UBE3C: variants seen among roughly 807,000 people sequenced by gnomAD.
UBE3C encodes the protein ubiquitin-protein ligase E3C.
UBE3C carries 42 observed loss-of-function variants against 129.4 expected under a neutral mutation model. The ratio of observed to expected loss-of-function variants is 0.32; its 90% CI spans 0.25 to 0.42. The LOEUF is 0.42. Ranked by LOEUF, UBE3C falls within the 10% of genes least tolerant of loss-of-function variation. The probability of loss-of-function intolerance (pLI) is 1.00; values close to 1 mark genes in which losing one functional copy is unlikely to be tolerated. For missense variants in UBE3C, 1,049 were observed against 1,319.1 expected, an observed-to-expected ratio of 0.80 and a Z score of 3.17; for synonymous variants, 510 against 492.4, an observed-to-expected ratio of 1.04 and a Z score of -0.47.
rs1006051787 is a variant in UBE3C at position 157,192,709 on chromosome 7, G to A, written c.1331+5688G>A. On this transcript the variant is annotated intron_variant, in intron 10 of 22. Transcript: ENST00000348165. The stretch of plus-strand genomic sequence containing the variant: ...GTGGATGAGAATGACAAAATGAGCT[G>A]CCTTCGTCGAGAGTGCCCTTCTGAT... 8.7e-6 allele frequency: 7 copies of A among 803,558 alleles called. No homozygotes were observed. The African/African-American group carries it at 1.2e-4, about 14-fold the overall frequency. 49.8% of individuals were successfully genotyped at this position (803,558 alleles called of 1,614,324 possible). A position where few individuals can be genotyped will look rare whatever the true frequency, so the allele number is the denominator to read the frequency against.
intron 8 of UBE3C, among the ~76,000 whole-genome samples, 169 bp downstream of exon 8, chr7:157,182,497 C>G (rs1001056445): frequency 4.6e-5 from 7 of 152,002 alleles, no homozygotes; most frequent in African/African-American, 1.7e-4. Flanking sequence ...GGGACAGTTT[C>G]CAGATACAGT....
intron 6 of UBE3C, among the ~76,000 whole-genome samples, chr7:157,180,487 A>C (rs771013104): frequency 6.6e-6 from 1 of 152,166 alleles, no homozygotes; most frequent in Admixed American, 6.5e-5. Context: ...AGTACTGAGT[A>C]TGCATTGTTT....
chr7:157,171,703 T>A (rs1156892487), intron 4 of UBE3C, among the ~76,000 whole-genome samples: 4,028 of 36,788 alleles, frequency 0.11, 249 homozygotes, highest in Non-Finnish European at 0.12. Flanking sequence ...TTTTTTTTTT[T>A]TTTTTTTTTT....
intron 1 of UBE3C, among the ~76,000 whole-genome samples, chr7:157,159,035 G>A (rs1170320088): frequency 5.9e-5 from 9 of 152,242 alleles, no homozygotes; most frequent in Non-Finnish European, 8.8e-5. Flanking sequence ...AATCACTCCT[G>A]TGAAAGGCGG....
chr7:157,236,993 A>T (rs1007312375), intron 18 of UBE3C, among the ~76,000 whole-genome samples: 3 of 152,022 alleles, frequency 2.0e-5, no homozygotes, highest in African/African-American at 4.8e-5. Flanking sequence ...CAGCCTTCCA[A>T]AGTGCTGGCA....
chr7:157,181,440 AGCATTTAAAAATTG>A (rs1563043953), intron 6 of UBE3C, 64 bp from the exon 7 acceptor site: 1 of 1,315,262 alleles, frequency 7.6e-7, no homozygotes, highest in Non-Finnish European at 1.0e-6. Flanking sequence ...GATGGTTAAA[AGCATTTAAAAATTG>A]GCAAGTTTTT....
In UBE3C at chr7:157,142,180, G is replaced by A. The variant is rs552490956; in HGVS notation, c.66+2842G>A. ...TTTTCCTGAATTCTCTTTGACTGCC[G>A]CATAAGTCCCTTCCCTTGTTGGAAA... is the stretch of plus-strand genomic sequence containing the variant. On this transcript the variant is annotated intron_variant, in intron 1 of 22. Transcript: ENST00000348165. Among the ~76,000 whole-genome samples, 28 of 152,218 alleles carry A rather than the reference G, an allele frequency of 1.8e-4. 1 individual carries two copies. The South Asian group carries it at 5.6e-3, about 30-fold the overall frequency.
rs1807354621 is a variant in UBE3C at position 157,139,272 on chromosome 7, G to A, written c.-1G>A. 1.3e-6 allele frequency: 2 copies of A among 1,574,644 alleles called. No homozygotes were observed. Among genetic ancestry groups the A allele is most frequent in the African/African-American group, 1.4e-5 (1 of 71,644 alleles). ...GCCCGCACATGGGCTAGGCTGCCAG[G>A]ATGTTCAGCTTCGAAGGCGACTTCA... On this transcript the variant is annotated 5_prime_UTR_variant, in exon 1 of 23. Coordinates refer to ENST00000348165, the MANE Select transcript of UBE3C (RefSeq NM_014671.3).
chr7:157,211,993 G>A (rs527338491), intron 13 of UBE3C, among the ~76,000 whole-genome samples: 5 of 152,298 alleles, frequency 3.3e-5, no homozygotes, highest in Admixed American at 6.5e-5. Flanking sequence ...GTTTTCCAAC[G>A]AGGTCATGTT....
At chr7:157,216,391 T>C (rs1404239437) in intron 13 of UBE3C, among the ~76,000 whole-genome samples, 1 of 151,504 alleles carries the variant, frequency 6.6e-6, no homozygotes, top group Admixed American at 6.6e-5. Context: ...GGGGTACATG[T>C]GAAGTTTTGT....
chr7:157,217,734 G>A (rs1054894634), intron 14 of UBE3C, among the ~76,000 whole-genome samples: 1 of 152,194 alleles, frequency 6.6e-6, no homozygotes, highest in African/African-American at 2.4e-5. Context: ...CTACTCGGGA[G>A]GCTAAGGCAG....
At chr7:157,227,167 A>G (rs1000703741) in intron 17 of UBE3C, among the ~76,000 whole-genome samples, 2 of 152,130 alleles carry the variant, frequency 1.3e-5, no homozygotes, top group African/African-American at 2.4e-5. Context: ...TGACAAAACA[A>G]TGAGTTTGCC....
intron 18 of UBE3C, among the ~76,000 whole-genome samples, chr7:157,238,921 A>G (rs1796222744): frequency 6.6e-6 from 1 of 152,172 alleles, no homozygotes; most frequent in African/African-American, 2.4e-5. Flanking sequence ...AGGAAGAGAA[A>G]GGTGGGTATT....
At chr7:157,153,069 G>A (rs952123914) in intron 1 of UBE3C, among the ~76,000 whole-genome samples, 4 of 152,032 alleles carry the variant, frequency 2.6e-5, no homozygotes, top group Admixed American at 6.6e-5. Context: ...GGTGGTGGGC[G>A]CCTGTAATCT....
chr7:157,145,555 T>C (rs939121251), intron 1 of UBE3C, among the ~76,000 whole-genome samples: 1 of 152,136 alleles, frequency 6.6e-6, no homozygotes, highest in East Asian at 1.9e-4. Flanking sequence ...TGCATATTCA[T>C]CCATCCCTCC....
At chr7:157,249,409 G>T (rs940610861) in intron 19 of UBE3C, among the ~76,000 whole-genome samples, 2 of 150,958 alleles carry the variant, frequency 1.3e-5, no homozygotes, top group Non-Finnish European at 2.9e-5. Context: ...TCCACCTCCC[G>T]GGTTCAAGTG....
At position 157,223,293 on chromosome 7, in the gene UBE3C, G is replaced by A. The variant is rs754175914; in HGVS notation, c.2042G>A (p.Arg681Lys). 6.2e-7 allele frequency: 1 copy of A among 1,614,152 alleles called. No individual in the cohort carries two copies. The change falls in exon 16 of 23, where the codon AGA becomes AAA. Residue 681 changes from arginine (R) to lysine (K), a missense_variant. Physicochemically the swap from Arg to Lys is conservative, Grantham distance 26. Around this residue, in one of 4 missense-constraint regions of UBE3C, gnomAD observed 314 missense variants for 416.9 expected, o/e 0.75. Coordinates refer to ENST00000348165, the MANE Select transcript of UBE3C (RefSeq NM_014671.3). The stretch of plus-strand genomic sequence containing the variant: ...CCGCCGCTGTCTGTGTCTGAGGAAA[G>A]ACAGCTTGCTGTCCTGACAGAGTTG... Reference protein sequence around the residue: ...ESPPLSVSEERQLAVLTELPF... With the variant: ...ESPPLSVSEEKQLAVLTELPF...
intron 19 of UBE3C, among the ~76,000 whole-genome samples, chr7:157,250,199 C>T (rs751045662): frequency 1.1e-3 from 160 of 152,146 alleles, no homozygotes; most frequent in Non-Finnish European, 1.8e-3. Context: ...TCTACTTTAG[C>T]ATATGGGGCT....
chr7:157,261,084 C>T (rs977606059), intron 22 of UBE3C, among the ~76,000 whole-genome samples: 21 of 151,876 alleles, frequency 1.4e-4, no homozygotes, highest in African/African-American at 4.6e-4. Context: ...GGGTGGATCC[C>T]CTGAGGCCAG....
Sources: gnomAD v4.1 joint callset for allele counts (sites outside exome capture counted in the v4.1 genomes callset) on GRCh38, gnomAD v4.1.1 for gene constraint, gnomAD v4.1.1 regional missense constraint, MANE v1.5 for transcripts, NCBI Gene and HGNC (gene_info 2026-07-23, HGNC 2026-07-21) for gene names.